CNTN5: variants seen among roughly 807,000 people sequenced by gnomAD.
CNTN5 encodes contactin-5.
CNTN5 carries 77 observed loss-of-function variants against 129.1 expected under a neutral mutation model. The ratio of observed to expected loss-of-function variants is 0.60; its 90% CI spans 0.50 to 0.72. CNTN5 has a LOEUF of 0.72. CNTN5 is among the 30% of genes least tolerant of loss of function. The pLI is 0.00. For synonymous variants in CNTN5, 509 were observed against 465.6 expected (o/e 1.09, Z -1.20); for missense variants, 1,478 against 1,328.8 (o/e 1.11, Z -1.75).
chr11:99,381,162 A>G (rs1428662017), intron 2 of CNTN5, among the ~76,000 whole-genome samples: 2 of 70 alleles, frequency 0.029, no homozygotes, highest in Non-Finnish European at 0.045. Context: ...AGCCTAGGGA[A>G]AAAAAAAACA....
chr11:100,226,538 A>C (rs1014226329), intron 16 of CNTN5, among the ~76,000 whole-genome samples: 1 of 152,150 alleles, frequency 6.6e-6, no homozygotes, highest in Non-Finnish European at 1.5e-5. Flanking sequence ...AAAATGCATA[A>C]ATTTTCGGAT....
chr11:99,969,440 C>T (rs570479389), intron 8 of CNTN5, among the ~76,000 whole-genome samples: 2 of 152,250 alleles, frequency 1.3e-5, no homozygotes, highest in East Asian at 1.9e-4. Context: ...TATTCACTTA[C>T]GTTTATCTAA....
At chr11:99,464,241 T>G (rs2135248059) in intron 2 of CNTN5, among the ~76,000 whole-genome samples, 1 of 152,306 alleles carries the variant, frequency 6.6e-6, no homozygotes, top group African/African-American at 2.4e-5. Flanking sequence ...TCACAATTTT[T>G]TGAAGTGTGC....
At chr11:99,867,308 C>T (rs1002668143) in intron 6 of CNTN5, among the ~76,000 whole-genome samples, 8 of 152,266 alleles carry the variant, frequency 5.3e-5, no homozygotes, top group South Asian at 2.1e-4. Flanking sequence ...ACCTACTATG[C>T]GCCAGTACCA....
At chr11:99,911,249 G>T (rs1175162329) in intron 6 of CNTN5, among the ~76,000 whole-genome samples, 3 of 151,962 alleles carry the variant, frequency 2.0e-5, no homozygotes, top group Non-Finnish European at 4.4e-5. Flanking sequence ...CACTTTTAGA[G>T]AATTAATTGA....
intron 3 of CNTN5, among the ~76,000 whole-genome samples, chr11:99,563,930 T>C (rs1948923598): frequency 6.6e-6 from 1 of 152,182 alleles, no homozygotes; most frequent in Non-Finnish European, 1.5e-5. Flanking sequence ...GAAAAGTAGA[T>C]TCAATCTCTT....
chr11:99,680,320 G>A (rs536566811), intron 3 of CNTN5, among the ~76,000 whole-genome samples: 13 of 152,254 alleles, frequency 8.5e-5, no homozygotes, highest in African/African-American at 3.1e-4. Context: ...GGCCCAGGTT[G>A]ACTTTCAACC....
At chr11:99,467,557 A>G (rs1329274135) in intron 2 of CNTN5, among the ~76,000 whole-genome samples, 2 of 152,032 alleles carry the variant, frequency 1.3e-5, no homozygotes, top group East Asian at 1.9e-4. Flanking sequence ...AATTTTATTG[A>G]TCTCTTTGTT....
At chr11:99,662,954 C>A (rs1445700182) in intron 3 of CNTN5, among the ~76,000 whole-genome samples, 1 of 152,110 alleles carries the variant, frequency 6.6e-6, no homozygotes, top group East Asian at 1.9e-4. Context: ...ATTAAATGAA[C>A]ACTGAATATA....
chr11:99,333,944 C>T (rs1463127206), intron 2 of CNTN5, among the ~76,000 whole-genome samples: 3 of 139,908 alleles, frequency 2.1e-5, no homozygotes, highest in African/African-American at 8.3e-5. Context: ...TAGTGATTAT[C>T]AACTCATCAA....
At chr11:100,320,342 A>C (rs1951664792) in intron 21 of CNTN5, among the ~76,000 whole-genome samples, 1 of 152,112 alleles carries the variant, frequency 6.6e-6, no homozygotes, top group Admixed American at 6.5e-5. Flanking sequence ...TTGTATCTCT[A>C]CTTTTAAGAA....
chr11:99,514,212 T>A (rs1946954990), intron 2 of CNTN5, among the ~76,000 whole-genome samples: 1 of 152,090 alleles, frequency 6.6e-6, no homozygotes, highest in African/African-American at 2.4e-5. Flanking sequence ...ATTACTGCAA[T>A]CTCATGATCA....
chr11:99,982,124 G>A (rs1938385828), intron 8 of CNTN5, among the ~76,000 whole-genome samples: 1 of 152,196 alleles, frequency 6.6e-6, no homozygotes, highest in Admixed American at 6.5e-5. Flanking sequence ...GCATATATAA[G>A]CTGATAACTT....
intron 8 of CNTN5, among the ~76,000 whole-genome samples, chr11:99,978,527 CAT>C (rs1435620858): frequency 2.0e-5 from 3 of 152,062 alleles, no homozygotes; most frequent in African/African-American, 7.2e-5. Context: ...TTATTTATAT[CAT>C]ATTTTATCAT....
chr11:99,443,990 G>A (rs548173602), intron 2 of CNTN5, among the ~76,000 whole-genome samples: 1 of 152,238 alleles, frequency 6.6e-6, no homozygotes, highest in East Asian at 1.9e-4. Flanking sequence ...CTGAGGTCAG[G>A]ACTTCGAGAC....
intron 6 of CNTN5, among the ~76,000 whole-genome samples, chr11:99,907,799 A>T (rs7944382): frequency 7.3e-5 from 11 of 151,680 alleles, no homozygotes; most frequent in African/African-American, 9.7e-5. Flanking sequence ...AAAGTTGTAA[A>T]GTTGTAAATA....
chr11:99,588,114 C>A (rs944533076), intron 3 of CNTN5, among the ~76,000 whole-genome samples: 1 of 152,076 alleles, frequency 6.6e-6, no homozygotes, highest in Non-Finnish European at 1.5e-5. Context: ...GAGGCCGAGG[C>A]GGGCGGATCA....
chr11:100,093,232 A>G (rs973669984), intron 13 of CNTN5, among the ~76,000 whole-genome samples: 2 of 152,014 alleles, frequency 1.3e-5, no homozygotes, highest in African/African-American at 4.8e-5. Flanking sequence ...GGTGTTCTCT[A>G]TACCACAGCT....
intron 9 of CNTN5, among the ~76,000 whole-genome samples, chr11:100,055,564 G>A (rs1295940424): frequency 7.0e-6 from 1 of 141,908 alleles, no homozygotes; most frequent in South Asian, 2.3e-4. Flanking sequence ...AAAATTATTA[G>A]TTTATAGGTG....
Sources: gnomAD v4.1 joint callset for allele counts (sites outside exome capture counted in the v4.1 genomes callset) on GRCh38, gnomAD v4.1.1 for gene constraint, MANE v1.5 for transcripts, NCBI Gene and HGNC (gene_info 2026-07-23, HGNC 2026-07-21) for gene names.